MEIS2: variants seen among roughly 807,000 people sequenced by gnomAD.
MEIS2 encodes homeobox protein Meis2.
Under a neutral mutation model 58.6 loss-of-function variants are expected in MEIS2, and 9 were observed. That is an observed-to-expected ratio of 0.15 (90% CI 0.09 to 0.27). The LOEUF (loss-of-function observed/expected upper bound fraction) is 0.27. Ranked by LOEUF, MEIS2 falls within the 10% of genes least tolerant of loss-of-function variation. The pLI, the probability that MEIS2 is intolerant of heterozygous loss-of-function variation, is 1.00. For missense variants in MEIS2, 427 were observed against 635.0 expected, an observed-to-expected ratio of 0.67 and a Z score of 3.52; for synonymous variants, 221 against 228.4, an observed-to-expected ratio of 0.97 and a Z score of 0.29.
intron 7 of MEIS2, among the ~76,000 whole-genome samples, chr15:37,042,956 T>C (rs139914346): frequency 3.9e-5 from 6 of 152,336 alleles, no homozygotes; most frequent in African/African-American, 1.4e-4. Flanking sequence ...GCAGTACTAT[T>C]AAAAACTTCA....
intron 8 of MEIS2, among the ~76,000 whole-genome samples, chr15:36,976,285 C>T (rs2059752556): frequency 6.6e-6 from 1 of 151,790 alleles, no homozygotes; most frequent in Non-Finnish European, 1.5e-5. Context: ...GGGGTTTCAC[C>T]ATGTTGGCCA....
chr15:37,080,761 T>C (rs1414975133), intron 7 of MEIS2, among the ~76,000 whole-genome samples: 1 of 152,212 alleles, frequency 6.6e-6, no homozygotes, highest in African/African-American at 2.4e-5. Context: ...TGGCTGCTTT[T>C]AGCAAGAGAA....
chr15:36,892,037 T>A lies in MEIS2; in HGVS notation c.*136A>T. The stretch of plus-strand genomic sequence containing the variant: ...TCTTGTTGCATTGGTCCTCTGTTGC[T>A]TGATGAAAAATGACAAAAGTAAAAA... On this transcript the variant is annotated 3_prime_UTR_variant, in exon 12 of 12. Coordinates refer to ENST00000561208, the MANE Select transcript of MEIS2 (RefSeq NM_170675.5). The A allele has an allele frequency of 4.3e-6, 4 of 940,576 alleles. No homozygotes were observed. The highest frequency in any genetic ancestry group is 6.6e-6 in the Non-Finnish European group (4 of 605,942). 58.3% of individuals were successfully genotyped at this position (940,576 alleles called of 1,614,324 possible).
intron 7 of MEIS2, among the ~76,000 whole-genome samples, chr15:37,065,016 G>A (rs910543687): frequency 2.6e-5 from 4 of 152,162 alleles, no homozygotes; most frequent in African/African-American, 9.6e-5. Flanking sequence ...TTGAAATTAT[G>A]CTGAAATATC....
At chr15:36,943,229 CT>C (rs1567085280) in intron 9 of MEIS2, among the ~76,000 whole-genome samples, 1 of 152,038 alleles carries the variant, frequency 6.6e-6, no homozygotes, top group Non-Finnish European at 1.5e-5. Flanking sequence ...GAAATATAGA[CT>C]TTTGTTTCTG....
intron 9 of MEIS2, among the ~76,000 whole-genome samples, chr15:36,931,722 A>T (rs984015651): frequency 2.6e-5 from 4 of 152,204 alleles, no homozygotes; most frequent in African/African-American, 9.6e-5. Flanking sequence ...AATGAGTGGG[A>T]TCAACCTGTC....
At chr15:36,971,537 TA>T (rs71126247) in intron 8 of MEIS2, among the ~76,000 whole-genome samples, 286 of 67,038 alleles carry the variant, frequency 4.3e-3, no homozygotes, top group African/African-American at 0.014. Context: ...CTTGTTACAT[TA>T]AAAAAAAAAA....
chr15:36,934,950 T>C lies in MEIS2; in HGVS notation c.977+15374A>G, dbSNP rs190419741. Among the ~76,000 whole-genome samples, 25 of 152,294 alleles carry C rather than the reference T, an allele frequency of 1.6e-4. No individual in the cohort carries two copies. In the East Asian group the frequency reaches 3.1e-3, roughly 19 times the overall value. On this transcript the variant is annotated intron_variant, in intron 9 of 11. Transcript: ENST00000561208. Reference sequence around the variant, plus strand: ...ATATTATTCAATTCCTATTATATAGTGTTCTAGGGATACCTTGGCAGAGAC... The same window carrying C: ...ATATTATTCAATTCCTATTATATAGCGTTCTAGGGATACCTTGGCAGAGAC...
At chr15:36,947,837 G>A (rs1356867021) in intron 9 of MEIS2, among the ~76,000 whole-genome samples, 3 of 151,940 alleles carry the variant, frequency 2.0e-5, no homozygotes, top group Non-Finnish European at 4.4e-5. Context: ...TTGTAGTTAA[G>A]AACAGTGACT....
chr15:36,940,984 A>G (rs993608628), intron 9 of MEIS2, among the ~76,000 whole-genome samples: 9 of 152,190 alleles, frequency 5.9e-5, no homozygotes, highest in Admixed American at 4.6e-4. Context: ...AGGAAAGTTA[A>G]TCCCTATGAC....
intron 9 of MEIS2, among the ~76,000 whole-genome samples, chr15:36,929,055 T>C (rs1055022115): frequency 2.0e-5 from 3 of 152,260 alleles, no homozygotes; most frequent in Admixed American, 2.0e-4. Flanking sequence ...ATAACTCTTC[T>C]GTCTTCCTCA....
At chr15:36,966,635 G>T (rs553391779) in intron 8 of MEIS2, among the ~76,000 whole-genome samples, 2 of 152,276 alleles carry the variant, frequency 1.3e-5, no homozygotes, top group South Asian at 4.1e-4. Flanking sequence ...TGACCAAATG[G>T]ATATTGAGTG....
At chr15:37,018,109 A>G (rs1368294084) in intron 8 of MEIS2, among the ~76,000 whole-genome samples, 1 of 152,200 alleles carries the variant, frequency 6.6e-6, no homozygotes, top group Non-Finnish European at 1.5e-5. Context: ...TTAACAAGTT[A>G]AATAACTTGT....
At chr15:36,907,678 T>C (rs564772487) in intron 9 of MEIS2, among the ~76,000 whole-genome samples, 2 of 152,336 alleles carry the variant, frequency 1.3e-5, no homozygotes, top group South Asian at 4.1e-4. Context: ...TAGCTTGGTC[T>C]CTTGTTTGAG....
intron 7 of MEIS2, among the ~76,000 whole-genome samples, chr15:37,045,966 C>T (rs1376639690): frequency 2.6e-5 from 4 of 152,146 alleles, no homozygotes; most frequent in African/African-American, 9.7e-5. Flanking sequence ...TGAACACCCT[C>T]CCCCCGGGGT....
At chr15:36,977,160 G>A (rs111307486) in intron 8 of MEIS2, among the ~76,000 whole-genome samples, 7 of 144,724 alleles carry the variant, frequency 4.8e-5, no homozygotes, top group African/African-American at 1.9e-4. Context: ...AAAAATTCAG[G>A]GGAGGTGTGG....
intron 11 of MEIS2, chr15:36,894,642 T>G: frequency 8.0e-7 from 1 of 1,255,746 alleles, no homozygotes; most frequent in Non-Finnish European, 1.1e-6. Context: ...AAAAATAAAA[T>G]GGGGGCAAAT....
chr15:36,944,912 TCTCTGTAC>T (rs1175332460), intron 9 of MEIS2, among the ~76,000 whole-genome samples: 3 of 152,002 alleles, frequency 2.0e-5, no homozygotes, highest in Non-Finnish European at 2.9e-5. Context: ...TGTCCAGCTG[TCTCTGTAC>T]CTCATTTAGA....
At chr15:36,893,990 T>C (rs1479377278) in intron 11 of MEIS2, among the ~76,000 whole-genome samples, 4 of 152,218 alleles carry the variant, frequency 2.6e-5, no homozygotes, top group African/African-American at 9.6e-5. Context: ...TTTTCAGATG[T>C]CAAAAACACT....
Sources: gnomAD v4.1 joint callset for allele counts (sites outside exome capture counted in the v4.1 genomes callset) on GRCh38, gnomAD v4.1.1 for gene constraint, MANE v1.5 for transcripts, NCBI Gene and HGNC (gene_info 2026-07-23, HGNC 2026-07-21) for gene names.